The following STAU2 variants were observed in gnomAD, a reference collection of about 807,000 sequenced individuals.
STAU2 encodes the protein staufen double-stranded RNA binding protein 2, also known as double-stranded RNA-binding protein Staufen homolog 2.
Under a neutral mutation model 65.9 loss-of-function variants are expected in STAU2, and 20 were observed. The observed-to-expected ratio is 0.30, with a 90% CI of 0.21 to 0.44. The LOEUF is 0.44. STAU2 is among the 20% of genes least tolerant of loss of function. The pLI is 1.00. For synonymous variants in STAU2, 232 were observed against 233.9 expected, an observed-to-expected ratio of 0.99 and a Z score of 0.07; for missense variants, 558 against 683.9, an observed-to-expected ratio of 0.82 and a Z score of 2.05.
chr8:73,659,451 T>C (rs891462500), intron 6 of STAU2, among the ~76,000 whole-genome samples: 8 of 151,846 alleles, frequency 5.3e-5, no homozygotes, highest in Non-Finnish European at 8.8e-5. Flanking sequence ...GCAGGAGAAT[T>C]GCTTGAACCC....
In STAU2 at chr8:73,566,050, A is replaced by G. The variant is rs368094559; in HGVS notation, c.1223-13731T>C. Among the ~76,000 whole-genome samples the G allele has an allele frequency of 3.3e-5, 5 of 152,346 alleles. No individual in the cohort carries two copies. The East Asian group carries it at 9.6e-4, about 29-fold the overall frequency. On this transcript the variant is annotated intron_variant, in intron 12 of 14. Transcript: ENST00000524300. ...ACAACAATAGTACATTGGTAAATGCACCAGACTGGAGCCCAGCTATCTGGG... is the reference window on the plus strand; with the variant it reads ...ACAACAATAGTACATTGGTAAATGCGCCAGACTGGAGCCCAGCTATCTGGG...
chr8:73,501,108 G>C (rs1224862634), intron 13 of STAU2, among the ~76,000 whole-genome samples: 1 of 151,738 alleles, frequency 6.6e-6, no homozygotes, highest in African/African-American at 2.4e-5. Context: ...ATAAGAGACT[G>C]ATGTAATCTG....
chr8:73,602,121 CA>C (rs1811674821), intron 10 of STAU2, among the ~76,000 whole-genome samples: 1 of 151,884 alleles, frequency 6.6e-6, no homozygotes, highest in Non-Finnish European at 1.5e-5. Context: ...AAAAAAAAAC[CA>C]TACAGGCAGA....
chr8:73,651,578 C>A, intron 6 of STAU2: 1 of 813,856 alleles, frequency 1.2e-6, no homozygotes, highest in Non-Finnish European at 2.0e-6. Context: ...GGCACCCCTG[C>A]CTGGGCCCCA....
At chr8:73,461,821 C>A (rs1819366171) in intron 13 of STAU2, among the ~76,000 whole-genome samples, 1 of 152,096 alleles carries the variant, frequency 6.6e-6, no homozygotes, top group Admixed American at 6.5e-5. Flanking sequence ...GGACAGTCCC[C>A]AAGAACTCTG....
intron 13 of STAU2, among the ~76,000 whole-genome samples, chr8:73,507,548 C>A (rs1278123434): frequency 6.6e-6 from 1 of 152,158 alleles, no homozygotes; most frequent in African/African-American, 2.4e-5. Context: ...ACAGGCAGAG[C>A]AGATTTAGCC....
chr8:73,733,717 A>G (rs1425472801), intron 3 of STAU2, among the ~76,000 whole-genome samples: 1 of 152,234 alleles, frequency 6.6e-6, no homozygotes, highest in Non-Finnish European at 1.5e-5. Flanking sequence ...AGAACAAAAA[A>G]TATTTAAATA....
intron 12 of STAU2, among the ~76,000 whole-genome samples, chr8:73,578,566 G>C (rs1809748430): frequency 6.6e-6 from 1 of 152,068 alleles, no homozygotes; most frequent in Non-Finnish European, 1.5e-5. Context: ...CTACCTGCAG[G>C]CTCAAATGGA....
chr8:73,532,177 A>C (rs1463192007), intron 13 of STAU2, among the ~76,000 whole-genome samples: 1 of 152,212 alleles, frequency 6.6e-6, no homozygotes, highest in Non-Finnish European at 1.5e-5. Context: ...TGTGGCAATA[A>C]GATTCTAAGT....
At chr8:73,487,813 G>A (rs1820991027) in intron 13 of STAU2, among the ~76,000 whole-genome samples, 1 of 151,888 alleles carries the variant, frequency 6.6e-6, no homozygotes. Flanking sequence ...AGAAAGGAGA[G>A]GTTAAGTTCC....
intron 13 of STAU2, among the ~76,000 whole-genome samples, chr8:73,434,027 A>G (rs902863462): frequency 1.3e-5 from 2 of 151,844 alleles, no homozygotes; most frequent in African/African-American, 2.4e-5. Flanking sequence ...AGATGAAGGT[A>G]TGAATGGTGA....
intron 13 of STAU2, among the ~76,000 whole-genome samples, chr8:73,502,523 T>G (rs917557097): frequency 2.0e-5 from 3 of 152,072 alleles, no homozygotes; most frequent in Non-Finnish European, 4.4e-5. Context: ...GTCAAATAAA[T>G]GACCTTGTGC....
At chr8:73,596,754 T>C (rs1811218306) in intron 10 of STAU2, among the ~76,000 whole-genome samples, 1 of 151,984 alleles carries the variant, frequency 6.6e-6, no homozygotes, top group Admixed American at 6.6e-5. Flanking sequence ...GAGGCTGAGG[T>C]GGGAAGACTG....
At chr8:73,658,371 TA>T (rs375918293) in intron 6 of STAU2, among the ~76,000 whole-genome samples, 65 of 149,388 alleles carry the variant, frequency 4.4e-4, no homozygotes, top group African/African-American at 1.0e-3. Flanking sequence ...CCATCTCAAT[TA>T]AAAAAAAAAA....
intron 13 of STAU2, among the ~76,000 whole-genome samples, chr8:73,546,452 A>C (rs1416387164): frequency 6.6e-6 from 1 of 152,218 alleles, no homozygotes; most frequent in African/African-American, 2.4e-5. Flanking sequence ...TTCAAAATCA[A>C]ATAAAAGATT....
At chr8:73,473,708 G>A (rs913717146) in intron 13 of STAU2, among the ~76,000 whole-genome samples, 6 of 152,168 alleles carry the variant, frequency 3.9e-5, no homozygotes, top group African/African-American at 1.2e-4. Context: ...CCACTGCCTA[G>A]TCTAACACCT....
At chr8:73,684,792 G>T (rs774609148) in intron 5 of STAU2, among the ~76,000 whole-genome samples, 4 of 151,922 alleles carry the variant, frequency 2.6e-5, no homozygotes, top group Non-Finnish European at 5.9e-5. Context: ...GTCAGCTAAG[G>T]ACACGAATAG....
In STAU2 at chr8:73,507,377, T is replaced by C. The variant is rs1319418424; in HGVS notation, c.1530+44635A>G. On this transcript the variant is annotated intron_variant, in intron 13 of 14. Coordinates refer to ENST00000524300, the MANE Select transcript of STAU2 (RefSeq NM_001164380.2). ...TTCATCTCCTTGTACATCTCCATCA[T>C]GGCTCTTGCATGACCAGGTACACTG... 1.3e-5 allele frequency among the ~76,000 whole-genome samples: 2 copies of C among 150,586 alleles called. 1 individual carries two copies. Among genetic ancestry groups the C allele is most frequent in the Non-Finnish European group, 3.0e-5 (2 of 67,072 alleles).
intron 12 of STAU2, among the ~76,000 whole-genome samples, chr8:73,566,977 T>C (rs934418913): frequency 1.3e-5 from 2 of 152,238 alleles, no homozygotes; most frequent in Non-Finnish European, 2.9e-5. Flanking sequence ...TTACTTCCAT[T>C]AGGTTGCTGA....
Sources: gnomAD v4.1 joint callset for allele counts (sites outside exome capture counted in the v4.1 genomes callset) on GRCh38, gnomAD v4.1.1 for gene constraint, MANE v1.5 for transcripts, NCBI Gene and HGNC (gene_info 2026-07-23, HGNC 2026-07-21) for gene names.